DCK: variants seen among roughly 807,000 people sequenced by gnomAD.
DCK encodes the protein deoxycytidine kinase, also known as deoxyadenosine kinase.
In DCK, 23 loss-of-function variants were observed where a neutral mutation model predicts 38.3. That is an observed-to-expected ratio of 0.60 (90% confidence interval 0.43 to 0.85). The LOEUF is 0.85. Ranked by LOEUF, DCK falls within the 40% of genes least tolerant of loss-of-function variation. The probability of loss-of-function intolerance (pLI) is 0.00; values close to 1 mark genes in which losing one functional copy is unlikely to be tolerated. For synonymous variants in DCK, 108 were observed against 100.6 expected (o/e 1.07, Z -0.44); for missense variants, 259 against 304.4 (o/e 0.85, Z 1.11).
chr4:71,015,083 G>C lies in DCK; in HGVS notation c.208-7284G>C, dbSNP rs145404550. The stretch of plus-strand genomic sequence containing the variant: ...AATAGACTCAATAAAAAATGACAAA[G>C]GGAGTATCACCACTGATCCCACAGA... On this transcript the variant is annotated intron_variant, in intron 2 of 6. Transcript: ENST00000286648. 4.9e-3 allele frequency among the ~76,000 whole-genome samples: 742 copies of C among 152,162 alleles called. 11 individuals carry two copies. The highest frequency in any genetic ancestry group is 0.017 in the African/African-American group (716 of 41,520).
intron 2 of DCK, chr4:71,006,447 G>A: frequency 5.5e-6 from 1 of 183,430 alleles, no homozygotes. Flanking sequence ...GGCCAGGTGT[G>A]GTGGTTTATG....
At chr4:71,001,019 C>A (rs1205372443) in intron 2 of DCK, among the ~76,000 whole-genome samples, 2 of 152,124 alleles carry the variant, frequency 1.3e-5, no homozygotes, top group Non-Finnish European at 2.9e-5. Flanking sequence ...TTTCTCTTGC[C>A]TGATTGCCCT....
At chr4:71,012,750 C>T (rs1430369807) in intron 2 of DCK, among the ~76,000 whole-genome samples, 1 of 152,030 alleles carries the variant, frequency 6.6e-6, no homozygotes, top group Non-Finnish European at 1.5e-5. Flanking sequence ...GACATCCACA[C>T]CAAAACCCCA....
chr4:70,999,093 A>G (rs1247482316), intron 2 of DCK, among the ~76,000 whole-genome samples: 1 of 152,068 alleles, frequency 6.6e-6, no homozygotes. Flanking sequence ...GTAGATATAC[A>G]CATGCCATGG....
intron 2 of DCK, among the ~76,000 whole-genome samples, chr4:71,009,635 C>A (rs983561738): frequency 1.3e-5 from 2 of 151,998 alleles, no homozygotes; most frequent in African/African-American, 4.8e-5. Flanking sequence ...TTATTGTAAT[C>A]TGGTCATGTC....
chr4:70,995,173 T>TAGC (rs1368132321), intron 1 of DCK, among the ~76,000 whole-genome samples: 1 of 152,192 alleles, frequency 6.6e-6, no homozygotes, highest in Admixed American at 6.5e-5. Context: ...ATGATATAAT[T>TAGC]AGCAATGTAA....
chr4:70,995,883 T>C (rs1403438469), intron 1 of DCK, among the ~76,000 whole-genome samples: 1 of 152,038 alleles, frequency 6.6e-6, no homozygotes, highest in African/African-American at 2.4e-5. Context: ...ACTGATAGCC[T>C]GCAATTGCAC....
chr4:71,005,240 C>T lies in DCK; in HGVS notation c.207+7058C>T, dbSNP rs72854186. On this transcript the variant is annotated intron_variant, in intron 2 of 6. Transcript: ENST00000286648. ...GAGGGAGTTCCCCCACCCCTTTCAC[C>T]TTCCAGGTGAGGCGATGCCCCACCC... 9.8e-3 allele frequency among the ~76,000 whole-genome samples: 1,488 copies of T among 151,932 alleles called. 39 individuals carry two copies. The highest frequency in any genetic ancestry group is 0.034 in the African/African-American group (1,429 of 41,452).
At chr4:71,006,861 T>C (rs1739958273) in intron 2 of DCK, among the ~76,000 whole-genome samples, 1 of 152,050 alleles carries the variant, frequency 6.6e-6, no homozygotes, top group Non-Finnish European at 1.5e-5. Flanking sequence ...TGGAAATGTA[T>C]GCTAACAACT....
At chr4:70,995,752 C>T (rs910938685) in intron 1 of DCK, among the ~76,000 whole-genome samples, 9 of 152,080 alleles carry the variant, frequency 5.9e-5, no homozygotes, top group Non-Finnish European at 1.0e-4. Context: ...ATATATCATC[C>T]CATCTCCAGT....
Position 71,030,167 on chromosome 4 carries a change from A to G in DCK, c.*789A>G, listed in dbSNP as rs1169982347. The G allele has an allele frequency of 6.6e-6, 1 of 152,642 alleles. No homozygotes were observed. Among genetic ancestry groups the G allele is most frequent in the Non-Finnish European group, 1.5e-5 (1 of 68,038 alleles). 9.5% of individuals were successfully genotyped at this position (152,642 alleles called of 1,614,324 possible). ...TATTTTTTGTTGAATAGGAAATAAA[A>G]TTAATGAAGACAGAGGCTAGAAAGC... On this transcript the variant is annotated 3_prime_UTR_variant, in exon 7 of 7. Coordinates refer to ENST00000286648, the MANE Select transcript of DCK (RefSeq NM_000788.3).
At chr4:71,026,855 A>G (rs1740559023) in intron 6 of DCK, 100 bp downstream of exon 6, 3 of 617,042 alleles carry the variant, frequency 4.9e-6, no homozygotes, top group Non-Finnish European at 8.6e-6. Context: ...CCATAAAGTT[A>G]CATTAAGAAA....
chr4:71,023,422 ACT>A (rs1740475652), intron 3 of DCK, 135 bp from the exon 4 acceptor site: 2 of 587,686 alleles, frequency 3.4e-6, no homozygotes, highest in Admixed American at 3.7e-5. Context: ...TGATGGAAAG[ACT>A]CTTGTCTTTT....
At chr4:71,028,758 AAT>A in intron 6 of DCK, 2 of 187,222 alleles carry the variant, frequency 1.1e-5, no homozygotes, top group East Asian at 2.4e-4. Context: ...ATGCCTAGCT[AAT>A]TTTTTTTTTT....
intron 2 of DCK, among the ~76,000 whole-genome samples, chr4:71,003,680 C>T (rs760512769): frequency 1.5e-4 from 23 of 152,246 alleles, no homozygotes; most frequent in Non-Finnish European, 2.6e-4. Context: ...CTAATCTTAT[C>T]TTCACGCTTT....
intron 2 of DCK, among the ~76,000 whole-genome samples, chr4:71,010,971 C>G (rs183909574): frequency 6.9e-6 from 1 of 145,180 alleles, no homozygotes; most frequent in African/African-American, 2.5e-5. Flanking sequence ...GAGTCTCGTT[C>G]TGTCGCTCAG....
At chr4:71,019,543 C>T (rs867269247) in intron 2 of DCK, among the ~76,000 whole-genome samples, 1 of 152,124 alleles carries the variant, frequency 6.6e-6, no homozygotes, top group African/African-American at 2.4e-5. Flanking sequence ...TCCTACTATA[C>T]TTTGAAGAAC....
chr4:71,027,462 G>A (rs1424446216), intron 6 of DCK, among the ~76,000 whole-genome samples: 1 of 152,120 alleles, frequency 6.6e-6, no homozygotes. Context: ...ATGAATATTT[G>A]AGAGAGAATA....
chr4:71,015,633 G>A (rs977122180), intron 2 of DCK, among the ~76,000 whole-genome samples: 14 of 152,194 alleles, frequency 9.2e-5, no homozygotes, highest in Non-Finnish European at 1.6e-4. Flanking sequence ...TTCAGCATAC[G>A]CAAATCAATA....
Sources: allele counts gnomAD v4.1 joint callset (sites outside exome capture counted in the v4.1 genomes callset), GRCh38; gene constraint gnomAD v4.1.1; transcripts MANE v1.5; gene names NCBI Gene and HGNC (gene_info 2026-07-23, HGNC 2026-07-21).